MAN2B1: variants seen among roughly 807,000 people sequenced by gnomAD.
MAN2B1 encodes the protein lysosomal alpha-mannosidase.
Under a neutral mutation model 127.5 loss-of-function variants are expected in MAN2B1, and 99 were observed. That is an observed-to-expected ratio of 0.78 (90% confidence interval 0.66 to 0.92). The LOEUF is 0.92. Among genes scored for constraint, MAN2B1 ranks in the 40% least tolerant of loss-of-function variants. The probability of loss-of-function intolerance (pLI) is 0.00; values close to 1 mark genes in which losing one functional copy is unlikely to be tolerated. For missense variants in MAN2B1, 1,304 were observed against 1,384.8 expected, an observed-to-expected ratio of 0.94 and a Z score of 0.93; for synonymous variants, 573 against 568.8, an observed-to-expected ratio of 1.01 and a Z score of -0.11.
At chr19:12,649,500 G>A in intron 18 of MAN2B1, 72 bp from the exon 19 acceptor site, 2 of 267,066 alleles carry the variant, frequency 7.5e-6, no homozygotes, top group Non-Finnish European at 1.2e-5. Context: ...TTTTTTTTTT[G>A]AGATGGAGTC....
At chr19:12,655,576 G>T (rs1599348020) in intron 14 of MAN2B1, 118 bp downstream of exon 14, 1 of 994,886 alleles carries the variant, frequency 1.0e-6, no homozygotes. Context: ...ACACAATGAG[G>T]GGAGTTGTGA....
Position 12,663,836 on chromosome 19 carries a change from C to G in MAN2B1, c.631-1G>C. ...CAAAGAAGAAGCCGTCGAAGCCCAT[C>G]TGGGGATGAGGGAGGAAAAGGCAGT... On this transcript the variant is annotated splice_acceptor_variant, in intron 4 of 23. Transcript: ENST00000456935. LOFTEE classifies it high-confidence loss of function. 1.2e-6 allele frequency: 2 copies of G among 1,614,174 alleles called. No individual in the cohort carries two copies. The highest frequency in any genetic ancestry group is 1.7e-6 in the Non-Finnish European group (2 of 1,180,036).
chr19:12,655,451 C>G (rs879066069), intron 14 of MAN2B1, among the ~76,000 whole-genome samples: 1 of 152,214 alleles, frequency 6.6e-6, no homozygotes, highest in Non-Finnish European at 1.5e-5. Context: ...TGCGAACCAC[C>G]ACCTGCCACC....
At chr19:12,657,362 A>G in intron 11 of MAN2B1, 84 bp downstream of exon 11, 1 of 1,238,318 alleles carries the variant, frequency 8.1e-7, no homozygotes, top group Non-Finnish European at 1.1e-6. Context: ...TACGCCTCAC[A>G]CCTGTCTCTG....
chr19:12,655,230 C>T (rs1021933649), intron 14 of MAN2B1, among the ~76,000 whole-genome samples: 1 of 152,184 alleles, frequency 6.6e-6, no homozygotes, highest in African/African-American at 2.4e-5. Context: ...AAGGTCTGAC[C>T]TGTCACCCGT....
chr19:12,650,182 C>A lies in MAN2B1; in HGVS notation c.2087G>T (p.Trp696Leu). Residue 696 changes from tryptophan (W) to leucine (L), a missense_variant, in exon 17 of 24, where the codon TGG becomes TTG. Physicochemically the swap from Trp to Leu is moderately conservative, Grantham distance 61. Coordinates refer to ENST00000456935, the MANE Select transcript of MAN2B1 (RefSeq NM_000528.4). ...GTACAGGCGAACCACCTGGGAACACCAAGCTGAGAAGTTCTGGTGCACCTC... is the reference window on the plus strand; with the variant it reads ...GTACAGGCGAACCACCTGGGAACACAAAGCTGAGAAGTTCTGGTGCACCTC... ...VQEVHQNFSA[W>L]CSQVVRLYPG... The A allele has an allele frequency of 6.2e-7, 1 of 1,613,994 alleles. No individual in the cohort carries two copies.
Position 12,647,730 on chromosome 19 carries a change from C to T in MAN2B1, c.2665-132G>A. ...TCGCCGGAGAGGGGCAAGGCTCAGC[C>T]GAGAGGAGCGGCCAGGGCCGTGACA... On this transcript the variant is annotated intron_variant, in intron 21 of 23. Coordinates refer to ENST00000456935, the MANE Select transcript of MAN2B1 (RefSeq NM_000528.4). The surrounding 1 kb of genome is among the most constrained non-coding windows in gnomAD (Gnocchi z 4.9). The T allele has an allele frequency of 2.7e-6, 2 of 739,520 alleles. No individual in the cohort carries two copies. Among genetic ancestry groups the T allele is most frequent in the Non-Finnish European group, 4.4e-6 (2 of 457,462 alleles). The allele number at this position is 739,520 out of a possible 1,614,324, so 45.8% of individuals were successfully genotyped here.
In MAN2B1 at chr19:12,665,386, G is replaced by A. The variant is rs1399051966; in HGVS notation, c.402C>T (p.Ala134=). 3.1e-6 allele frequency: 5 copies of A among 1,610,730 alleles called. No individual in the cohort carries two copies. Among genetic ancestry groups the A allele is most frequent in the Non-Finnish European group, 4.2e-6 (5 of 1,180,026 alleles). Residue 134 remains alanine (A), a synonymous_variant, in exon 3 of 24, where the codon GCC becomes GCT. Coordinates refer to ENST00000456935, the MANE Select transcript of MAN2B1 (RefSeq NM_000528.4). Reference sequence around the variant, plus strand: ...CAAGGTCTCGCACGACTTCCTGTGTGGCATTTGTCTGCTGGTGCCACCAAC... The same window carrying A: ...CAAGGTCTCGCACGACTTCCTGTGTAGCATTTGTCTGCTGGTGCCACCAAC... The part of the protein sequence containing the change: ...FSRWWHQQTN[A]TQEVVRDLVR...
At chr19:12,657,638 G>C in intron 10 of MAN2B1, 83 bp from the exon 11 acceptor site, 1 of 1,231,164 alleles carries the variant, frequency 8.1e-7, no homozygotes, top group Non-Finnish European at 1.2e-6. Flanking sequence ...GGTGCTGGCG[G>C]GCAGGATTCT....
chr19:12,665,846 C>A, intron 1 of MAN2B1, 41 bp from the exon 2 acceptor site: 1 of 1,524,530 alleles, frequency 6.6e-7, no homozygotes, highest in East Asian at 2.2e-5. Flanking sequence ...GTCAATAACC[C>A]CCGAGGTCGG....
chr19:12,655,375 CCTCAG>C (rs2023931418), intron 14 of MAN2B1, among the ~76,000 whole-genome samples: 1 of 152,168 alleles, frequency 6.6e-6, no homozygotes, highest in Admixed American at 6.6e-5. Flanking sequence ...CGGCTCCCTC[CCTCAG>C]GTCATATCTT....
rs755997325 is a variant in MAN2B1 at position 12,658,255 on chromosome 19, C to T, written c.1199G>A (p.Arg400His). The change falls in exon 9 of 24, where the codon CGC (arginine) becomes CAC (histidine). Residue 400 changes from arginine to histidine, a missense_variant. Transcript: ENST00000456935. Reference protein sequence around the residue: ...GYFSSRPALKRYERLSYNFLQ... With the variant: ...GYFSSRPALKHYERLSYNFLQ... Reference sequence around the variant, plus strand: ...GAAGTTGTAGCTGAGGCGCTCGTAGCGTTTGAGGGCCGGCCGACTGGAAAA... The same window carrying T: ...GAAGTTGTAGCTGAGGCGCTCGTAGTGTTTGAGGGCCGGCCGACTGGAAAA... The T allele has an allele frequency of 3.7e-6, 6 of 1,614,116 alleles. No individual in the cohort carries two copies. The highest frequency in any genetic ancestry group is 3.3e-5 in the South Asian group (3 of 91,088).
chr19:12,658,498 T>C lies in MAN2B1; in HGVS notation c.1039A>G (p.Ser347Gly). ...GTGGAGTAGAGAACATGGACACTGC[T>C]TCCTTTTGCCTGCTGCTGGGGGAGG... ...RLVNAQQAKG[S>G]SVHVLYSTPA... is the part of the protein sequence containing the mutation. The change falls in exon 8 of 24, where the codon AGC (serine) becomes GGC (glycine). Residue 347 changes from serine to glycine, a missense_variant. Transcript: ENST00000456935. 10 of 1,614,188 alleles carry C rather than the reference T, an allele frequency of 6.2e-6. No individual in the cohort carries two copies. The highest frequency in any genetic ancestry group is 8.5e-6 in the Non-Finnish European group (10 of 1,180,030).
intron 6 of MAN2B1, among the ~76,000 whole-genome samples, chr19:12,662,099 C>T (rs939825343): frequency 3.9e-5 from 6 of 152,068 alleles, no homozygotes; most frequent in Non-Finnish European, 5.9e-5. Flanking sequence ...CCCATCTCGG[C>T]CTCTCAAAAT....
In MAN2B1 at chr19:12,647,123, C is replaced by T. The variant is rs551930862; in HGVS notation, c.2923+110G>A. The T allele has an allele frequency of 2.8e-6, 3 of 1,053,982 alleles. No individual in the cohort carries two copies. Among genetic ancestry groups the T allele is most frequent in the Non-Finnish European group, 4.4e-6 (3 of 677,468 alleles). The allele number at this position is 1,053,982 out of a possible 1,614,324, so 65.3% of individuals were successfully genotyped here. A position where few individuals can be genotyped will look rare whatever the true frequency, so the allele number is the denominator to read the frequency against. On this transcript the variant is annotated intron_variant, in intron 23 of 23. Coordinates refer to ENST00000456935, the MANE Select transcript of MAN2B1 (RefSeq NM_000528.4). The surrounding 1 kb of genome is among the most constrained non-coding windows in gnomAD (Gnocchi z 4.9). ...CCTGGGTCTGGACTCTGCCCCATAC[C>T]CTCATGACCTTTTTGGGTCCTGGCC...
At chr19:12,649,828 T>A in intron 18 of MAN2B1, 85 bp downstream of exon 18, 1 of 1,150,778 alleles carries the variant, frequency 8.7e-7, no homozygotes. Flanking sequence ...TCTCCCACAC[T>A]CATGTAATCA....
At chr19:12,654,443 C>G (rs1449461647) in intron 14 of MAN2B1, among the ~76,000 whole-genome samples, 2 of 152,118 alleles carry the variant, frequency 1.3e-5, no homozygotes, top group Admixed American at 1.3e-4. Context: ...TGGCTGCCTA[C>G]AGTCTGTTCC....
chr19:12,653,979 A>G (rs1247479017), intron 14 of MAN2B1, among the ~76,000 whole-genome samples: 2 of 151,750 alleles, frequency 1.3e-5, no homozygotes, highest in Non-Finnish European at 2.9e-5. Flanking sequence ...TCAGCCTCCC[A>G]AAGTCCTGGG....
At chr19:12,656,920 C>G (rs373697852) in intron 12 of MAN2B1, 29 bp downstream of exon 12, 2 of 1,571,994 alleles carry the variant, frequency 1.3e-6, no homozygotes, top group African/African-American at 2.7e-5. Context: ...CCCATCTGCC[C>G]TAGATCCACC....
Sources: allele counts gnomAD v4.1 joint callset (sites outside exome capture counted in the v4.1 genomes callset), GRCh38; gene constraint gnomAD v4.1.1; non-coding constraint Gnocchi (gnomAD v3.1); transcripts MANE v1.5; gene names NCBI Gene and HGNC (gene_info 2026-07-23, HGNC 2026-07-21).